BBX: variants seen among roughly 807,000 people sequenced by gnomAD.
The protein encoded by BBX is HMG box transcription factor BBX.
Under a neutral mutation model 100.2 loss-of-function variants are expected in BBX, and 30 were observed. The ratio of observed to expected loss-of-function variants is 0.30; its 90% CI spans 0.22 to 0.41. The LOEUF (loss-of-function observed/expected upper bound fraction) is 0.41, where lower values mean the gene tolerates loss of function less well. Ranked by LOEUF, BBX falls within the 10% of genes least tolerant of loss-of-function variation. BBX has a pLI of 1.00. For synonymous variants in BBX, 376 were observed against 388.1 expected, an observed-to-expected ratio of 0.97 and a Z score of 0.37; for missense variants, 1,023 against 1,129.8, an observed-to-expected ratio of 0.91 and a Z score of 1.35.
At chr3:107,548,232 T>C (rs1184418181) in intron 2 of BBX, among the ~76,000 whole-genome samples, 1 of 152,210 alleles carries the variant, frequency 6.6e-6, no homozygotes, top group Non-Finnish European at 1.5e-5. Flanking sequence ...AATAGTTACC[T>C]TTTGAAGTCA....
intron 12 of BBX, among the ~76,000 whole-genome samples, 196 bp from the exon 13 acceptor site, chr3:107,778,175 A>T (rs2067481444): frequency 6.6e-6 from 1 of 152,180 alleles, no homozygotes; most frequent in Admixed American, 6.5e-5. Context: ...ATAACCTGTC[A>T]TACGAGTTTA....
intron 10 of BBX, among the ~76,000 whole-genome samples, chr3:107,767,395 A>G (rs970699127): frequency 3.3e-5 from 5 of 152,108 alleles, no homozygotes; most frequent in Admixed American, 1.3e-4. Flanking sequence ...TTAAAAAAGG[A>G]GAAAAGCTAG....
At chr3:107,560,120 C>T (rs1162140671) in intron 2 of BBX, among the ~76,000 whole-genome samples, 15 of 151,820 alleles carry the variant, frequency 9.9e-5, no homozygotes, top group East Asian at 3.9e-4. Flanking sequence ...AAATGAATAC[C>T]GAAGTTAGAT....
At chr3:107,798,246 T>C (rs1029400599) in intron 15 of BBX, among the ~76,000 whole-genome samples, 1 of 152,206 alleles carries the variant, frequency 6.6e-6, no homozygotes, top group Non-Finnish European at 1.5e-5. Context: ...TTACCTAAAT[T>C]ATCGTCCCCA....
At chr3:107,685,007 A>G (rs1024061717) in intron 3 of BBX, among the ~76,000 whole-genome samples, 1 of 152,186 alleles carries the variant, frequency 6.6e-6, no homozygotes, top group Non-Finnish European at 1.5e-5. Flanking sequence ...AAGAAATGCA[A>G]TTTTGTGGTA....
intron 13 of BBX, among the ~76,000 whole-genome samples, chr3:107,783,792 T>C (rs993481973): frequency 1.3e-5 from 2 of 152,100 alleles, no homozygotes; most frequent in Non-Finnish European, 2.9e-5. Flanking sequence ...ATATTTTCTT[T>C]GTACTTGTTA....
intron 1 of BBX, among the ~76,000 whole-genome samples, chr3:107,525,831 C>T (rs902305883): frequency 2.6e-5 from 4 of 152,200 alleles, no homozygotes; most frequent in African/African-American, 7.2e-5. Flanking sequence ...ACGGCAGTGG[C>T]CGCCCAGGTC....
chr3:107,590,991 TC>T (rs1218152065), intron 2 of BBX, among the ~76,000 whole-genome samples: 1 of 152,238 alleles, frequency 6.6e-6, no homozygotes, highest in African/African-American at 2.4e-5. Flanking sequence ...TACTGACCTT[TC>T]ATGACCTTGC....
At chr3:107,663,257 G>A (rs1363370477) in intron 3 of BBX, among the ~76,000 whole-genome samples, 2 of 152,132 alleles carry the variant, frequency 1.3e-5, no homozygotes, top group African/African-American at 4.8e-5. Flanking sequence ...ACCCTATTAT[G>A]CTACCTTCTC....
intron 2 of BBX, among the ~76,000 whole-genome samples, chr3:107,540,260 A>G (rs1386388018): frequency 6.6e-6 from 1 of 152,218 alleles, no homozygotes; most frequent in Non-Finnish European, 1.5e-5. Flanking sequence ...GATGCAGCCC[A>G]TGGGGGTCAA....
chr3:107,793,709 T>C (rs2069297864), intron 15 of BBX, among the ~76,000 whole-genome samples: 1 of 152,184 alleles, frequency 6.6e-6, no homozygotes, highest in Non-Finnish European at 1.5e-5. Context: ...AGACAGGCAT[T>C]GTTTGTAGCT....
Position 107,693,357 on chromosome 3 carries a change from T to A in BBX, c.-9-17095T>A, listed in dbSNP as rs1576364488. On this transcript the variant is annotated intron_variant, in intron 3 of 17. Transcript: ENST00000325805. ...GTCTAACGTTTAAGTCTTTAGTCCA[T>A]CTTGAATTGACTTTTGTATAAGGTG... Among the ~76,000 whole-genome samples, 5 of 151,926 alleles carry A rather than the reference T, an allele frequency of 3.3e-5. No homozygotes were observed. The South Asian group carries it at 1.0e-3, about 31-fold the overall frequency.
chr3:107,734,243 A>G (rs993870424), intron 7 of BBX, among the ~76,000 whole-genome samples: 3 of 152,178 alleles, frequency 2.0e-5, no homozygotes, highest in Admixed American at 6.5e-5. Flanking sequence ...ATTGTTGACT[A>G]TATATTCAAT....
At chr3:107,526,435 G>A (rs771478778) in intron 2 of BBX, 37 bp downstream of exon 2, 1 of 398,478 alleles carries the variant, frequency 2.5e-6, no homozygotes, top group Middle Eastern at 6.3e-4. Context: ...GAAGCAGGAT[G>A]ACAATTAGTA....
chr3:107,532,329 T>A (rs947805950), intron 2 of BBX, among the ~76,000 whole-genome samples: 36 of 152,126 alleles, frequency 2.4e-4, no homozygotes, highest in Non-Finnish European at 5.0e-4. Context: ...ACTCCTTTTT[T>A]AAAAAAAGTC....
chr3:107,737,904 T>TG (rs1560070128), intron 7 of BBX, among the ~76,000 whole-genome samples: 1 of 142,314 alleles, frequency 7.0e-6, no homozygotes, highest in African/African-American at 2.6e-5. Flanking sequence ...TTTTTTTTTT[T>TG]TTTTTTTTTT....
At chr3:107,689,252 A>G (rs2060014542) in intron 3 of BBX, among the ~76,000 whole-genome samples, 1 of 152,190 alleles carries the variant, frequency 6.6e-6, no homozygotes, top group Non-Finnish European at 1.5e-5. Flanking sequence ...TTTACAATAA[A>G]CACAGGAAGT....
chr3:107,559,042 A>G (rs2050291666), intron 2 of BBX, among the ~76,000 whole-genome samples: 1 of 152,186 alleles, frequency 6.6e-6, no homozygotes, highest in Non-Finnish European at 1.5e-5. Flanking sequence ...TGGCATGCAA[A>G]TGTGGTTTGT....
At chr3:107,576,523 T>A (rs2051786846) in intron 2 of BBX, among the ~76,000 whole-genome samples, 1 of 152,222 alleles carries the variant, frequency 6.6e-6, no homozygotes, top group Admixed American at 6.5e-5. Flanking sequence ...TTCTGTGTGA[T>A]CTAAGGTATA....
Sources: allele counts gnomAD v4.1 joint callset (sites outside exome capture counted in the v4.1 genomes callset), GRCh38; gene constraint gnomAD v4.1.1; transcripts MANE v1.5; gene names NCBI Gene and HGNC (gene_info 2026-07-23, HGNC 2026-07-21).